CNTNAP2: variants seen among roughly 807,000 people sequenced by gnomAD.
CNTNAP2 encodes contactin associated protein 2, also known as contactin-associated protein-like 2.
CNTNAP2 carries 98 observed loss-of-function variants against 155.2 expected under a neutral mutation model. The observed-to-expected ratio is 0.63, with a 90% CI of 0.54 to 0.75. The LOEUF (loss-of-function observed/expected upper bound fraction) is 0.75. Among genes scored for constraint, CNTNAP2 ranks in the 30% least tolerant of loss-of-function variants. The pLI, the probability that CNTNAP2 is intolerant of heterozygous loss-of-function variation, is 0.00. For missense variants in CNTNAP2, 1,727 were observed against 1,688.1 expected (o/e 1.02, Z -0.40); for synonymous variants, 651 against 631.2 (o/e 1.03, Z -0.47).
intron 10 of CNTNAP2, among the ~76,000 whole-genome samples, chr7:147,419,902 T>C (rs1366226217): frequency 6.6e-6 from 1 of 152,202 alleles, no homozygotes; most frequent in Non-Finnish European, 1.5e-5. Flanking sequence ...AGGTATTTCT[T>C]GAGTCTTTGC....
chr7:148,334,392 G>C (rs550487592), intron 21 of CNTNAP2, among the ~76,000 whole-genome samples: 2 of 152,300 alleles, frequency 1.3e-5, no homozygotes, highest in East Asian at 1.9e-4. Context: ...ACCATGTAGT[G>C]ATTAAGACTT....
chr7:147,499,507 C>T (rs887180935), intron 11 of CNTNAP2, among the ~76,000 whole-genome samples: 8 of 151,830 alleles, frequency 5.3e-5, no homozygotes, highest in Non-Finnish European at 1.0e-4. Flanking sequence ...CCAGCCTGGG[C>T]AACAGTGCAA....
intron 21 of CNTNAP2, among the ~76,000 whole-genome samples, chr7:148,372,213 TAAAA>T (rs1798899979): frequency 6.6e-6 from 1 of 151,342 alleles, no homozygotes; most frequent in Non-Finnish European, 1.5e-5. Context: ...AAAAAATAAA[TAAAA>T]AATAAAAGTA....
intron 8 of CNTNAP2, among the ~76,000 whole-genome samples, chr7:147,212,413 TA>T (rs1341181104): frequency 6.6e-6 from 1 of 152,128 alleles, no homozygotes; most frequent in Non-Finnish European, 1.5e-5. Flanking sequence ...AGCCATTAAA[TA>T]AATGAAGTCA....
intron 1 of CNTNAP2, among the ~76,000 whole-genome samples, chr7:146,240,115 TAGAA>T (rs1216499371): frequency 6.6e-6 from 1 of 152,198 alleles, no homozygotes; most frequent in African/African-American, 2.4e-5. Context: ...TTTTAAATAA[TAGAA>T]ACTGTATTAA....
At chr7:147,578,537 T>C (rs1800441028) in intron 12 of CNTNAP2, among the ~76,000 whole-genome samples, 1 of 152,120 alleles carries the variant, frequency 6.6e-6, no homozygotes. Flanking sequence ...CAAAAGCAGG[T>C]CTACATGCAA....
At chr7:148,271,168 C>T (rs1563019977) in intron 21 of CNTNAP2, among the ~76,000 whole-genome samples, 2 of 152,236 alleles carry the variant, frequency 1.3e-5, no homozygotes, top group Non-Finnish European at 1.5e-5. Flanking sequence ...AAGTACAATA[C>T]TGTCTGCGTT....
chr7:147,735,414 C>T (rs1269477813), intron 13 of CNTNAP2, among the ~76,000 whole-genome samples: 1 of 152,074 alleles, frequency 6.6e-6, no homozygotes, highest in African/African-American at 2.4e-5. Context: ...TGTTCTTTTA[C>T]ATTTGCTGAG....
intron 4 of CNTNAP2, among the ~76,000 whole-genome samples, chr7:147,106,455 C>T (rs188365050): frequency 4.1e-4 from 63 of 152,042 alleles, no homozygotes; most frequent in African/African-American, 1.5e-3. Flanking sequence ...GATTTTTTCC[C>T]TCATATTAAA....
At chr7:146,573,646 A>G (rs1033916465) in intron 1 of CNTNAP2, among the ~76,000 whole-genome samples, 2 of 152,158 alleles carry the variant, frequency 1.3e-5, no homozygotes, top group African/African-American at 4.8e-5. Context: ...AAGACCTAAG[A>G]ATGATTTAGC....
chr7:147,108,051 C>A (rs1800801523), intron 4 of CNTNAP2, 96 bp from the exon 5 acceptor site: 2 of 1,085,396 alleles, frequency 1.8e-6, no homozygotes, highest in Non-Finnish European at 1.4e-6. Flanking sequence ...AAGAAAAACA[C>A]TTACTTAATT....
At chr7:148,129,288 C>T (rs915239843) in intron 16 of CNTNAP2, among the ~76,000 whole-genome samples, 4 of 152,140 alleles carry the variant, frequency 2.6e-5, no homozygotes. Context: ...AGGATTTCCT[C>T]AAAGACATTA....
intron 12 of CNTNAP2, among the ~76,000 whole-genome samples, chr7:147,573,615 A>G (rs1300790325): frequency 6.6e-6 from 1 of 152,170 alleles, no homozygotes; most frequent in African/African-American, 2.4e-5. Flanking sequence ...TTGTTAGTAC[A>G]TTGTAGAATC....
At chr7:146,348,297 C>T (rs1794847894) in intron 1 of CNTNAP2, among the ~76,000 whole-genome samples, 1 of 151,994 alleles carries the variant, frequency 6.6e-6, no homozygotes, top group Non-Finnish European at 1.5e-5. Context: ...TGGTGGCAGG[C>T]ACCAGTAATC....
intron 1 of CNTNAP2, among the ~76,000 whole-genome samples, chr7:146,196,531 A>T (rs1798777827): frequency 6.6e-6 from 1 of 151,714 alleles, no homozygotes. Flanking sequence ...GAAAAATTAT[A>T]TACAGAGAGT....
intron 14 of CNTNAP2, among the ~76,000 whole-genome samples, chr7:147,925,674 G>C (rs1004390796): frequency 6.6e-6 from 1 of 152,112 alleles, no homozygotes; most frequent in African/African-American, 2.4e-5. Flanking sequence ...TGTTAGCCAG[G>C]ATAGTCTCGA....
chr7:146,874,143 G>A (rs762248220), intron 3 of CNTNAP2, among the ~76,000 whole-genome samples: 8 of 151,958 alleles, frequency 5.3e-5, no homozygotes, highest in Admixed American at 1.3e-4. Context: ...CAAGTCTGAC[G>A]TTAAAATCTG....
chr7:146,778,064 T>C (rs1802421349), intron 2 of CNTNAP2, among the ~76,000 whole-genome samples: 1 of 152,178 alleles, frequency 6.6e-6, no homozygotes, highest in Admixed American at 6.5e-5. Flanking sequence ...ACAGACACTA[T>C]ATAAGTATCT....
chr7:146,466,659 G>A (rs1247388909), intron 1 of CNTNAP2, among the ~76,000 whole-genome samples: 1 of 152,080 alleles, frequency 6.6e-6, no homozygotes, highest in East Asian at 1.9e-4. Context: ...GGAATTTATA[G>A]CATAATAAAA....
Sources: gnomAD v4.1 joint callset for allele counts (sites outside exome capture counted in the v4.1 genomes callset) on GRCh38, gnomAD v4.1.1 for gene constraint, MANE v1.5 for transcripts, NCBI Gene and HGNC (gene_info 2026-07-23, HGNC 2026-07-21) for gene names.